KMT2E: variants seen among roughly 807,000 people sequenced by gnomAD.
KMT2E encodes the protein lysine methyltransferase 2E (inactive).
In KMT2E, 30 loss-of-function variants were observed where a neutral mutation model predicts 184.6. The observed-to-expected ratio is 0.16, with a 90% CI of 0.12 to 0.22. The LOEUF (loss-of-function observed/expected upper bound fraction) is 0.22, where lower values mean the gene tolerates loss of function less well. Among genes scored for constraint, KMT2E ranks in the 10% least tolerant of loss-of-function variants. The pLI is 1.00. For synonymous variants in KMT2E, 815 were observed against 776.5 expected, an observed-to-expected ratio of 1.05 and a Z score of -0.82; for missense variants, 2,023 against 2,237.4, an observed-to-expected ratio of 0.90 and a Z score of 1.93.
intron 3 of KMT2E, among the ~76,000 whole-genome samples, chr7:105,051,159 T>TCC (rs1364908519): frequency 7.1e-4 from 105 of 148,088 alleles, no homozygotes; most frequent in African/African-American, 2.6e-3. Flanking sequence ...CTTCCTCCCT[T>TCC]TCTTCCTTCC....
intron 3 of KMT2E, among the ~76,000 whole-genome samples, chr7:105,046,324 T>G (rs533584719): frequency 6.6e-6 from 1 of 152,322 alleles, no homozygotes; most frequent in African/African-American, 2.4e-5. Flanking sequence ...GCTTCTTTGT[T>G]GCCTTTAAGT....
At chr7:105,072,330 A>G (rs1337806940) in intron 6 of KMT2E, among the ~76,000 whole-genome samples, 1 of 152,306 alleles carries the variant, frequency 6.6e-6, no homozygotes, top group East Asian at 1.9e-4. Context: ...CGTCTCAAAA[A>G]ACAAAACAAA....
In KMT2E at chr7:105,113,443, A is replaced by C. The variant is rs76154216; in HGVS notation, c.*110A>C. 2 of 1,162,540 alleles carry C rather than the reference A, an allele frequency of 1.7e-6. No homozygotes were observed. The allele number at this position is 1,162,540 out of a possible 1,614,324, so 72.0% of individuals were successfully genotyped here. ...TTGTACATGAACCTTTGTATAAAAA[A>C]CACCAGTGCTCTTTCGTTGTATTTT... On this transcript the variant is annotated 3_prime_UTR_variant, in exon 27 of 27. Coordinates refer to ENST00000311117, the MANE Select transcript of KMT2E (RefSeq NM_182931.3).
intron 13 of KMT2E, among the ~76,000 whole-genome samples, chr7:105,084,223 A>G (rs1027813893): frequency 6.6e-6 from 1 of 152,192 alleles, no homozygotes; most frequent in African/African-American, 2.4e-5. Context: ...TCTACCATAC[A>G]TCTTTAGCAA....
intron 15 of KMT2E, among the ~76,000 whole-genome samples, chr7:105,094,771 A>G (rs867221425): frequency 5.3e-5 from 8 of 152,198 alleles, no homozygotes; most frequent in African/African-American, 1.9e-4. Flanking sequence ...ATTTTGAGAG[A>G]GATATCACAT....
At chr7:105,070,878 A>G (rs1797256262) in intron 6 of KMT2E, among the ~76,000 whole-genome samples, 1 of 152,168 alleles carries the variant, frequency 6.6e-6, no homozygotes, top group Non-Finnish European at 1.5e-5. Context: ...TTATGTAAGA[A>G]GTATTCTATC....
intron 17 of KMT2E, chr7:105,104,410 A>G (rs1339473702): frequency 1.3e-5 from 2 of 152,170 alleles, no homozygotes; most frequent in African/African-American, 4.8e-5. Flanking sequence ...ATCGTGAGCC[A>G]GGTGTGGTGG....
intron 12 of KMT2E, among the ~76,000 whole-genome samples, chr7:105,080,251 A>G (rs145567834): frequency 7.0e-4 from 106 of 152,320 alleles, no homozygotes; most frequent in African/African-American, 2.5e-3. Context: ...TAGATTTTGT[A>G]TGTTCTACTG....
At chr7:105,033,325 T>A (rs1259642012) in intron 1 of KMT2E, among the ~76,000 whole-genome samples, 1 of 152,254 alleles carries the variant, frequency 6.6e-6, no homozygotes, top group East Asian at 1.9e-4. Context: ...CATTAAACTT[T>A]TAATTTTGTG....
intron 1 of KMT2E, among the ~76,000 whole-genome samples, chr7:105,016,887 C>T (rs1162828623): frequency 6.6e-6 from 1 of 152,148 alleles, no homozygotes; most frequent in Non-Finnish European, 1.5e-5. Flanking sequence ...ATAACTGGCT[C>T]AAGGATTTTC....
intron 6 of KMT2E, among the ~76,000 whole-genome samples, chr7:105,070,663 A>G (rs1349798229): frequency 7.0e-6 from 1 of 143,016 alleles, no homozygotes; most frequent in East Asian, 2.1e-4. Flanking sequence ...AAAAGCAAAG[A>G]TTAGCTGGAT....
chr7:105,101,626 C>CT, intron 16 of KMT2E, 37 bp downstream of exon 16: 2 of 1,444,370 alleles, frequency 1.4e-6, no homozygotes, highest in Non-Finnish European at 1.8e-6. Flanking sequence ...TTCTTAAACA[C>CT]TTTAAAATAA....
intron 1 of KMT2E, among the ~76,000 whole-genome samples, chr7:105,015,981 T>A (rs1053204065): frequency 1.3e-5 from 2 of 152,046 alleles, no homozygotes; most frequent in African/African-American, 4.8e-5. Flanking sequence ...TAAAAAAAAA[T>A]TATTTGGGTA....
chr7:105,105,395 T>A (rs749015645), intron 17 of KMT2E, 44 bp from the exon 18 acceptor site: 1 of 1,414,692 alleles, frequency 7.1e-7, no homozygotes, highest in Admixed American at 2.4e-5. Context: ...AAGGGAGAAT[T>A]TGGAATTACA....
intron 14 of KMT2E, among the ~76,000 whole-genome samples, chr7:105,090,514 G>C: frequency 6.6e-6 from 1 of 152,146 alleles, no homozygotes; most frequent in Non-Finnish European, 1.5e-5. Flanking sequence ...ATTTTCCTAA[G>C]ACTAGATAAC....
At chr7:105,054,617 C>T (rs1043133281) in intron 3 of KMT2E, among the ~76,000 whole-genome samples, 3 of 152,012 alleles carry the variant, frequency 2.0e-5, no homozygotes, top group African/African-American at 4.8e-5. Flanking sequence ...TGGGTTCAAG[C>T]GATTCTCTTC....
intron 1 of KMT2E, among the ~76,000 whole-genome samples, chr7:105,034,436 A>G (rs1013348580): frequency 1.4e-4 from 21 of 152,082 alleles, no homozygotes; most frequent in Admixed American, 1.2e-3. Context: ...CACACTCTGT[A>G]GCCCAGGCTG....
Position 105,109,967 on chromosome 7 carries a change from C to T in KMT2E, c.3756-313C>T, listed in dbSNP as rs141179050. Among the ~76,000 whole-genome samples the T allele has an allele frequency of 7.0e-3, 1,066 of 151,802 alleles. 8 individuals are homozygous for T. Among genetic ancestry groups the T allele is most frequent in the Middle Eastern group, 0.017 (5 of 294 alleles). On this transcript the variant is annotated intron_variant, in intron 23 of 26. Coordinates refer to ENST00000311117, the MANE Select transcript of KMT2E (RefSeq NM_182931.3). ...CAAGCGATTCTCCTGCCTCAGCTTCCCGAGTAGCGCCCGCCACCATGCCTG... is the reference window on the plus strand; with the variant it reads ...CAAGCGATTCTCCTGCCTCAGCTTCTCGAGTAGCGCCCGCCACCATGCCTG...
At chr7:105,057,957 G>C (rs751760614) in intron 3 of KMT2E, among the ~76,000 whole-genome samples, 1 of 152,136 alleles carries the variant, frequency 6.6e-6, no homozygotes, top group Non-Finnish European at 1.5e-5. Context: ...ATTGGGATCC[G>C]ATCGAAATTC....
Sources: gnomAD v4.1 joint callset for allele counts (sites outside exome capture counted in the v4.1 genomes callset) on GRCh38, gnomAD v4.1.1 for gene constraint, MANE v1.5 for transcripts, NCBI Gene and HGNC (gene_info 2026-07-23, HGNC 2026-07-21) for gene names.